The following ADD2 variants were observed in gnomAD, a reference collection of about 807,000 sequenced individuals.
ADD2 encodes beta-adducin.
A neutral mutation model predicts 83.0 loss-of-function variants in ADD2; 23 were observed. The observed-to-expected ratio is 0.28, with a 90% CI of 0.20 to 0.39. The LOEUF (loss-of-function observed/expected upper bound fraction) is 0.39. Among genes scored for constraint, ADD2 ranks in the 10% least tolerant of loss-of-function variants. The probability of loss-of-function intolerance (pLI) is 1.00; values close to 1 mark genes in which losing one functional copy is unlikely to be tolerated. For missense variants in ADD2, 758 were observed against 944.9 expected (o/e 0.80, Z 2.59); for synonymous variants, 375 against 375.4 (o/e 1.00, Z 0.01).
intron 9 of ADD2, among the ~76,000 whole-genome samples, chr2:70,686,113 G>A (rs1330303161): frequency 6.6e-6 from 1 of 152,206 alleles, no homozygotes; most frequent in Admixed American, 6.5e-5. Flanking sequence ...AGTGCTGGCC[G>A]CTTCACCCAA....
intron 1 of ADD2, among the ~76,000 whole-genome samples, chr2:70,715,819 C>G (rs1553376256): frequency 6.6e-6 from 1 of 151,872 alleles, no homozygotes; most frequent in Non-Finnish European, 1.5e-5. Context: ...CCTTGACTCC[C>G]TCTTTTTGCC....
At chr2:70,697,760 C>T (rs372654740) in intron 4 of ADD2, among the ~76,000 whole-genome samples, 13 of 152,110 alleles carry the variant, frequency 8.5e-5, no homozygotes, top group African/African-American at 2.9e-4. Context: ...TGTCCTGCAT[C>T]GAGTGTGCCA....
At chr2:70,675,184 C>T (rs1553367970) in intron 13 of ADD2, 1 of 1,019,950 alleles carries the variant, frequency 9.8e-7, no homozygotes, top group Non-Finnish European at 1.2e-6. Context: ...GCCAGTCAGC[C>T]AAAGCCCAGC....
Position 70,706,163 on chromosome 2 carries a change from G to A in ADD2, c.183+63C>T. 3 of 1,543,774 alleles carry A rather than the reference G, an allele frequency of 1.9e-6. No individual in the cohort carries two copies. In the South Asian group the frequency reaches 3.6e-5, roughly 18 times the overall value. Reference sequence around the variant, plus strand: ...AGAGGAGTTACTCATCTTTCGGGTGGGTACACGTCCTGAAGAGCCAGCGCC... The same window carrying A: ...AGAGGAGTTACTCATCTTTCGGGTGAGTACACGTCCTGAAGAGCCAGCGCC... On this transcript the variant is annotated intron_variant, in intron 3 of 15. Coordinates refer to ENST00000264436, the MANE Select transcript of ADD2 (RefSeq NM_001617.4). This position sits in a 1 kb window ranked among gnomAD's most constrained non-coding sequence, Gnocchi z 5.0.
intron 1 of ADD2, among the ~76,000 whole-genome samples, chr2:70,751,854 G>C (rs1403660918): frequency 6.6e-6 from 1 of 152,076 alleles, no homozygotes; most frequent in African/African-American, 2.4e-5. Flanking sequence ...TTAAGAAAAG[G>C]AACACATCTT....
At chr2:70,674,162 A>T (rs1670024736) in intron 14 of ADD2, among the ~76,000 whole-genome samples, 1 of 152,174 alleles carries the variant, frequency 6.6e-6, no homozygotes, top group Non-Finnish European at 1.5e-5. Context: ...GCTAGCCAAG[A>T]AGGGGAACCA....
chr2:70,719,273 C>A (rs1672616893), intron 1 of ADD2, among the ~76,000 whole-genome samples: 1 of 152,238 alleles, frequency 6.6e-6, no homozygotes, highest in South Asian at 2.1e-4. Flanking sequence ...AAAATATCTG[C>A]CATGGGTCAG....
chr2:70,729,092 G>A (rs1365278508), intron 1 of ADD2, among the ~76,000 whole-genome samples: 1 of 152,202 alleles, frequency 6.6e-6, no homozygotes, highest in Non-Finnish European at 1.5e-5. Flanking sequence ...ACCCCTGCAG[G>A]CTCCCATGGC....
At chr2:70,664,342 G>A (rs1675668235) in intron 15 of ADD2, among the ~76,000 whole-genome samples, 1 of 152,146 alleles carries the variant, frequency 6.6e-6, no homozygotes, top group Non-Finnish European at 1.5e-5. Flanking sequence ...GCAGCCACTG[G>A]GGCCCCCAGG....
At chr2:70,686,972 T>A (rs948659917) in intron 9 of ADD2, among the ~76,000 whole-genome samples, 1 of 152,230 alleles carries the variant, frequency 6.6e-6, no homozygotes, top group African/African-American at 2.4e-5. Flanking sequence ...CCTCTTCCTC[T>A]GGGTGCTGCT....
intron 2 of ADD2, among the ~76,000 whole-genome samples, chr2:70,712,097 GC>G (rs763268410): frequency 6.6e-6 from 1 of 152,016 alleles, no homozygotes. Context: ...ATGTATTTTC[GC>G]CCCCAGGACC....
intron 1 of ADD2, among the ~76,000 whole-genome samples, chr2:70,750,666 C>T (rs1023170474): frequency 2.6e-5 from 4 of 152,294 alleles, no homozygotes; most frequent in South Asian, 2.1e-4. Flanking sequence ...AGAGGGAGCA[C>T]GGCCTTGTCA....
intron 3 of ADD2, among the ~76,000 whole-genome samples, chr2:70,705,686 G>A (rs879964658): frequency 4.6e-5 from 7 of 152,140 alleles, no homozygotes; most frequent in African/African-American, 1.7e-4. Flanking sequence ...GAGTGATCCC[G>A]ACTTGCCTTC....
intron 1 of ADD2, among the ~76,000 whole-genome samples, chr2:70,742,074 C>G (rs1861450): frequency 0.33 from 50,619 of 152,104 alleles, 10,112 homozygotes; most frequent in East Asian, 0.57. Context: ...TCTGTTTTAA[C>G]TATTTAAAAG....
At chr2:70,737,462 G>A (rs6741377) in intron 1 of ADD2, among the ~76,000 whole-genome samples, 102,526 of 151,034 alleles carry the variant, frequency 0.68, 36,649 homozygotes, top group East Asian at 0.9. Context: ...ATTCTCAGCA[G>A]ACTATCGCAA....
In ADD2 at chr2:70,658,278, G is replaced by T; in HGVS notation, c.*5147C>A. 1 of 152,252 alleles carries T rather than the reference G, an allele frequency of 6.6e-6. No individual in the cohort carries two copies. The highest frequency in any genetic ancestry group is 1.5e-5 in the Non-Finnish European group (1 of 68,022). 9.4% of individuals were successfully genotyped at this position (152,252 alleles called of 1,614,324 possible). A position where few individuals can be genotyped will look rare whatever the true frequency, so the allele number is the denominator to read the frequency against. ...TCATTGTGAGAGGTAAAGGGATGTT[G>T]GGCATTCCTTGGTGACCGAGCTCTA... On this transcript the variant is annotated 3_prime_UTR_variant, in exon 16 of 16. Coordinates refer to ENST00000264436, the MANE Select transcript of ADD2 (RefSeq NM_001617.4).
At chr2:70,727,681 A>C (rs1025948639) in intron 1 of ADD2, among the ~76,000 whole-genome samples, 17 of 152,006 alleles carry the variant, frequency 1.1e-4, no homozygotes, top group Non-Finnish European at 1.9e-4. Flanking sequence ...GATCACTTGC[A>C]GTCAGGAGTT....
chr2:70,684,093 A>G (rs74632516), intron 9 of ADD2, among the ~76,000 whole-genome samples: 2,231 of 152,324 alleles, frequency 0.015, 57 homozygotes, highest in African/African-American at 0.051. Context: ...AAGATGAGAC[A>G]GGAAAGGACT....
intron 10 of ADD2, among the ~76,000 whole-genome samples, chr2:70,682,498 G>T (rs1574235937): frequency 6.6e-6 from 1 of 152,160 alleles, no homozygotes; most frequent in African/African-American, 2.4e-5. Flanking sequence ...AGGGAGAAAT[G>T]TATTAATTAT....
Sources: gnomAD v4.1 joint callset for allele counts (sites outside exome capture counted in the v4.1 genomes callset) on GRCh38, gnomAD v4.1.1 for gene constraint, Gnocchi (gnomAD v3.1) non-coding constraint, MANE v1.5 for transcripts, NCBI Gene and HGNC (gene_info 2026-07-23, HGNC 2026-07-21) for gene names.